Variants in GRIP2 observed in about 807,000 individuals in gnomAD.
GRIP2 encodes the protein glutamate receptor-interacting protein 2.
In GRIP2, 58 loss-of-function variants were observed where a neutral mutation model predicts 108.3. That is an observed-to-expected ratio of 0.54 (90% CI 0.43 to 0.67). The LOEUF (loss-of-function observed/expected upper bound fraction) is 0.67, where lower values mean the gene tolerates loss of function less well. GRIP2 is among the 30% of genes least tolerant of loss of function. GRIP2 has a pLI of 0.00. For synonymous variants in GRIP2, 586 were observed against 598.2 expected, an observed-to-expected ratio of 0.98 and a Z score of 0.30; for missense variants, 1,278 against 1,430.6, an observed-to-expected ratio of 0.89 and a Z score of 1.72.
intron 21 of GRIP2, among the ~76,000 whole-genome samples, chr3:14,503,055 T>C (rs966457351): frequency 1.3e-5 from 2 of 152,236 alleles, no homozygotes; most frequent in Non-Finnish European, 2.9e-5. Context: ...AATATTGACC[T>C]TACACAAAGC....
chr3:14,503,748 C>T, intron 20 of GRIP2, 77 bp from the exon 21 acceptor site: 1 of 509,484 alleles, frequency 2.0e-6, no homozygotes, highest in East Asian at 9.1e-5. Flanking sequence ...TCTTCGGGGC[C>T]CCAGGGCCCA....
rs1005584250 is a variant in GRIP2, at chr3:14,514,539, G to A, written c.1307-61C>T. 21 of 1,465,464 alleles carry A rather than the reference G, an allele frequency of 1.4e-5. No individual in the cohort carries two copies. In the African/African-American group the frequency reaches 3.0e-4, roughly 21 times the overall value. The allele number at this position is 1,465,464 out of a possible 1,614,324, so 90.8% of individuals were successfully genotyped here. A position where few individuals can be genotyped will look rare whatever the true frequency, so the allele number is the denominator to read the frequency against. ...GCCCCACGGAGGTCTTCCTGCCAGG[G>A]CCTGCCCATCCCGGGGCCCTAGGCA... On this transcript the variant is annotated intron_variant, in intron 11 of 23. Transcript: ENST00000621039.
At position 14,496,464 on chromosome 3, in the gene GRIP2, C is replaced by T. The variant is rs772570811; in HGVS notation, c.2776G>A (p.Ala926Thr). Residue 926 changes from alanine to threonine, a missense_variant, in exon 22 of 24, where the codon GCA becomes ACA. Physicochemically the swap from Ala to Thr is moderately conservative, Grantham distance 58. Coordinates refer to ENST00000621039, the MANE Select transcript of GRIP2 (RefSeq NM_001080423.4). Reference protein sequence around the residue: ...QRGREVRASPAEMEELLLPTP... With the variant: ...QRGREVRASPTEMEELLLPTP... Reference sequence around the variant, plus strand: ...GGCAGCAACAGCTCCTCCATTTCTGCAGGAGAGGCTCGTACCTCCCGGCCC... The same window carrying T: ...GGCAGCAACAGCTCCTCCATTTCTGTAGGAGAGGCTCGTACCTCCCGGCCC... The T allele has an allele frequency of 1.6e-5, 25 of 1,612,670 alleles. No homozygotes were observed. The highest frequency in any genetic ancestry group is 8.5e-7 in the Non-Finnish European group (1 of 1,179,408).
intron 1 of GRIP2, among the ~76,000 whole-genome samples, chr3:14,534,639 G>A (rs1395736095): frequency 1.3e-5 from 2 of 152,038 alleles, no homozygotes; most frequent in Non-Finnish European, 2.9e-5. Flanking sequence ...CCGCAGTGGT[G>A]CCAGCCAGTC....
At chr3:14,550,842 A>G (rs1318342651) in intron 1 of GRIP2, among the ~76,000 whole-genome samples, 1 of 152,206 alleles carries the variant, frequency 6.6e-6, no homozygotes, top group Non-Finnish European at 1.5e-5. Flanking sequence ...GATCTTGCCC[A>G]AGGTCATCCT....
At chr3:14,583,986 T>A in the GRIP2 span, among the ~76,000 whole-genome samples, 2 of 152,234 alleles carry the variant, frequency 1.3e-5, no homozygotes, top group Non-Finnish European at 2.9e-5. Context: ...AGGAAATGGA[T>A]GCCAGTTGCT....
chr3:14,545,090 A>C (rs1427449427), upstream of GRIP2, among the ~76,000 whole-genome samples: 1 of 152,348 alleles, frequency 6.6e-6, no homozygotes. Flanking sequence ...CGACAGCCGC[A>C]AGAGCAAAGC....
chr3:14,509,700 T>A (rs1049894685), intron 17 of GRIP2, 120 bp downstream of exon 17: 1 of 1,045,908 alleles, frequency 9.6e-7, no homozygotes, highest in Non-Finnish European at 1.3e-6. Flanking sequence ...TGGCCCAATG[T>A]CACCCACAGT....
At chr3:14,558,307 TTGTGGGCCAGGC>T (rs1695267012), upstream of GRIP2, among the ~76,000 whole-genome samples, 1 of 152,006 alleles carries the variant, frequency 6.6e-6, no homozygotes, top group Non-Finnish European at 1.5e-5. Context: ...AAAACCCCTA[TTGTGGGCCAGGC>T]TGTGGGCCGA....
Position 14,489,953 on chromosome 3 carries a change from G to C in GRIP2, c.*3712C>G, listed in dbSNP as rs898081162. ...GGTCCATGTTTGGGGCAGCCTTCCT[G>C]CCAACAGCGCCCCCCACCCTTTGGG... On this transcript the variant is annotated 3_prime_UTR_variant, in exon 24 of 24. Coordinates refer to ENST00000621039, the MANE Select transcript of GRIP2 (RefSeq NM_001080423.4). 1 of 152,206 alleles carries C rather than the reference G, an allele frequency of 6.6e-6. No individual in the cohort carries two copies. The highest frequency in any genetic ancestry group is 2.4e-5 in the African/African-American group (1 of 41,434). 9.4% of individuals were successfully genotyped at this position (152,206 alleles called of 1,614,324 possible). A position where few individuals can be genotyped will look rare whatever the true frequency, so the allele number is the denominator to read the frequency against.
upstream of GRIP2, chr3:14,540,380 C>A: frequency 1.2e-6 from 2 of 1,611,072 alleles, no homozygotes; most frequent in Non-Finnish European, 1.7e-6. This position sits in a 1 kb window ranked among gnomAD's most constrained non-coding sequence, Gnocchi z 4.1. Context: ...CCTCCCCTCC[C>A]CAGGGAGGGG....
At chr3:14,573,119 C>A in the GRIP2 span, 1 of 1,433,822 alleles carries the variant, frequency 7.0e-7, no homozygotes, top group East Asian at 2.3e-5. Flanking sequence ...AGTTGTCGAT[C>A]CAGGGCAGCA....
At chr3:14,600,534 C>T in the GRIP2 span, among the ~76,000 whole-genome samples, 1 of 152,182 alleles carries the variant, frequency 6.6e-6, no homozygotes, top group Non-Finnish European at 1.5e-5. Flanking sequence ...GGCAGATGAG[C>T]TGGTCTTGTT....
chr3:14,540,135 T>A lies in GRIP2; in HGVS notation c.40+134A>T. The A allele has an allele frequency of 3.5e-6, 4 of 1,135,444 alleles. No individual in the cohort carries two copies. The highest frequency in any genetic ancestry group is 5.0e-6 in the Non-Finnish European group (4 of 805,962). The allele number at this position is 1,135,444 out of a possible 1,614,324, so 70.3% of individuals were successfully genotyped here. ...CCCCAGCAAGTGTCCTGCCCCACCC[T>A]CCCCAAGCCCTGGGTCTCCAGGGAG... On this transcript the variant is annotated intron_variant, in intron 1 of 23. Coordinates refer to ENST00000621039, the MANE Select transcript of GRIP2 (RefSeq NM_001080423.4). This position sits in a 1 kb window ranked among gnomAD's most constrained non-coding sequence, Gnocchi z 4.1.
intron 4 of GRIP2, 152 bp downstream of exon 4, chr3:14,524,241 C>T: frequency 1.2e-6 from 1 of 834,298 alleles, no homozygotes; most frequent in Non-Finnish European, 1.8e-6. Context: ...GTAGGCACAG[C>T]CCCTAGGCGA....
At chr3:14,516,994 A>G in intron 11 of GRIP2, 70 bp downstream of exon 11, 1 of 1,380,922 alleles carries the variant, frequency 7.2e-7, no homozygotes, top group Non-Finnish European at 9.5e-7. Context: ...GCCCTGACAT[A>G]CACCCTTTGG....
chr3:14,576,671 C>T, the GRIP2 span, among the ~76,000 whole-genome samples: 3 of 152,208 alleles, frequency 2.0e-5, no homozygotes, highest in Admixed American at 1.3e-4. Context: ...CGGGCAACAC[C>T]GGCCAGTCAA....
intron 1 of GRIP2, among the ~76,000 whole-genome samples, chr3:14,535,342 C>T (rs1014519054): frequency 6.6e-6 from 1 of 152,196 alleles, no homozygotes; most frequent in Non-Finnish European, 1.5e-5. Flanking sequence ...CCTCAGACTT[C>T]TCCTCTGCAA....
At chr3:14,541,509 C>T (rs1057049937), upstream of GRIP2, among the ~76,000 whole-genome samples, 1 of 152,214 alleles carries the variant, frequency 6.6e-6, no homozygotes, top group Non-Finnish European at 1.5e-5. Context: ...GAACAGTGAC[C>T]CCAGCATGGA....
Sources: gnomAD v4.1 joint callset for allele counts (sites outside exome capture counted in the v4.1 genomes callset) on GRCh38, gnomAD v4.1.1 for gene constraint, Gnocchi (gnomAD v3.1) non-coding constraint, MANE v1.5 for transcripts, NCBI Gene and HGNC (gene_info 2026-07-23, HGNC 2026-07-21) for gene names.